Variants in VKORC1L1 observed in about 807,000 individuals in gnomAD.
VKORC1L1 encodes the protein vitamin K epoxide reductase complex subunit 1-like protein 1.
VKORC1L1 carries 2 observed loss-of-function variants against 18.9 expected under a neutral mutation model. The observed-to-expected ratio is 0.11, with a 90% CI of 0.04 to 0.33. VKORC1L1 has a LOEUF of 0.33. VKORC1L1 is among the 10% of genes least tolerant of loss of function. The pLI is 1.00. For synonymous variants in VKORC1L1, 96 were observed against 100.0 expected, an observed-to-expected ratio of 0.96 and a Z score of 0.24; for missense variants, 123 against 224.1, an observed-to-expected ratio of 0.55 and a Z score of 2.88.
chr7:65,942,674 C>T (rs1413663761), intron 1 of VKORC1L1, among the ~76,000 whole-genome samples: 8 of 151,850 alleles, frequency 5.3e-5, no homozygotes, highest in Non-Finnish European at 8.8e-5. Context: ...TACAGGCGCC[C>T]GCCAGCACAT....
At chr7:65,952,512 C>T (rs1457080701) in intron 2 of VKORC1L1, among the ~76,000 whole-genome samples, 10 of 151,942 alleles carry the variant, frequency 6.6e-5, no homozygotes, top group Non-Finnish European at 1.3e-4. Context: ...GGCCCACAGG[C>T]GTCTTCTTGT....
At chr7:65,903,115 C>G (rs1451825860) in intron 1 of VKORC1L1, among the ~76,000 whole-genome samples, 2 of 151,824 alleles carry the variant, frequency 1.3e-5, no homozygotes, top group African/African-American at 2.4e-5. Context: ...ATCTGCCCAC[C>G]TCGGCCTCCC....
intron 1 of VKORC1L1, among the ~76,000 whole-genome samples, chr7:65,897,729 G>T (rs1789239782): frequency 1.3e-5 from 2 of 149,688 alleles, no homozygotes; most frequent in Non-Finnish European, 1.5e-5. Context: ...GTGTTATGTG[G>T]AATTACACTG....
intron 1 of VKORC1L1, among the ~76,000 whole-genome samples, chr7:65,918,331 G>C (rs1172762592): frequency 6.6e-6 from 1 of 152,186 alleles, no homozygotes. Context: ...TCACATAAAG[G>C]ACACAGAGAT....
chr7:65,873,854 GGC>G (rs1788776805), intron 1 of VKORC1L1, among the ~76,000 whole-genome samples: 1 of 152,038 alleles, frequency 6.6e-6, no homozygotes, highest in East Asian at 1.9e-4. Context: ...GGAGCGGTCG[GGC>G]GGGCTGGGGC....
Position 65,888,080 on chromosome 7 carries a change from C to T in VKORC1L1, c.194+14515C>T, listed in dbSNP as rs181997661. Among the ~76,000 whole-genome samples the T allele has an allele frequency of 2.8e-3, 419 of 152,242 alleles. 1 individual carries two copies. Among genetic ancestry groups the T allele is most frequent in the Non-Finnish European group, 4.3e-3 (294 of 68,014 alleles). On this transcript the variant is annotated intron_variant, in intron 1 of 2. Transcript: ENST00000360768. Reference sequence around the variant, plus strand: ...ATTTTCTGAGAAGTAGGTAAACCCGCCCCTGTGTGTGTATGTGTCTGTGTG... The same window carrying T: ...ATTTTCTGAGAAGTAGGTAAACCCGTCCCTGTGTGTGTATGTGTCTGTGTG...
chr7:65,895,453 G>GAAA (rs1167891625), intron 1 of VKORC1L1, among the ~76,000 whole-genome samples: 20 of 26,664 alleles, frequency 7.5e-4, no homozygotes, highest in Non-Finnish European at 1.3e-3. Flanking sequence ...CCATCTGTGA[G>GAAA]AAAAAAAAAA....
intron 1 of VKORC1L1, among the ~76,000 whole-genome samples, chr7:65,902,294 A>G (rs1432314675): frequency 6.6e-6 from 1 of 152,238 alleles, no homozygotes; most frequent in Admixed American, 6.5e-5. Context: ...AATGGTTAAC[A>G]TAATGGAAAG....
At chr7:65,907,837 G>A (rs975532317) in intron 1 of VKORC1L1, among the ~76,000 whole-genome samples, 2 of 151,794 alleles carry the variant, frequency 1.3e-5, no homozygotes, top group Non-Finnish European at 2.9e-5. Context: ...TACTCAGCTG[G>A]TTAACCTAAG....
rs1314212720 is a variant in VKORC1L1, at chr7:65,876,972, A to C, written c.194+3407A>C. 2.6e-5 allele frequency among the ~76,000 whole-genome samples: 4 copies of C among 152,280 alleles called. No individual in the cohort carries two copies. The East Asian group carries it at 7.7e-4, about 29-fold the overall frequency. On this transcript the variant is annotated intron_variant, in intron 1 of 2. Coordinates refer to ENST00000360768, the MANE Select transcript of VKORC1L1 (RefSeq NM_173517.6). ...GAGGTGTGAGGATCACTTGAGCCTG[A>C]GAGGCTGAGGTCTGCAGTGAGCCAT...
At chr7:65,908,836 C>CAAAA (rs5884577) in intron 1 of VKORC1L1, among the ~76,000 whole-genome samples, 9 of 104,914 alleles carry the variant, frequency 8.6e-5, no homozygotes, top group Admixed American at 2.1e-4. Context: ...GACTCCATCT[C>CAAAA]AAAAAAAAAA....
At chr7:65,873,599 C>G (rs1788770112) in intron 1 of VKORC1L1, 34 bp downstream of exon 1, 4 of 1,433,918 alleles carry the variant, frequency 2.8e-6, no homozygotes, top group Non-Finnish European at 3.7e-6. Flanking sequence ...CAGGAGCGGC[C>G]GAGCGGGGCG....
chr7:65,899,045 T>C (rs983839620), intron 1 of VKORC1L1, among the ~76,000 whole-genome samples: 2 of 152,366 alleles, frequency 1.3e-5, no homozygotes, highest in African/African-American at 4.8e-5. Flanking sequence ...TAAAAAGACA[T>C]GACCTTATTC....
intron 1 of VKORC1L1, among the ~76,000 whole-genome samples, chr7:65,909,841 C>T (rs1789473968): frequency 6.6e-6 from 1 of 151,880 alleles, no homozygotes; most frequent in South Asian, 2.1e-4. Flanking sequence ...TCTCAACCTC[C>T]TGAGTAGCTG....
intron 1 of VKORC1L1, among the ~76,000 whole-genome samples, chr7:65,896,104 A>G (rs1040323973): frequency 6.9e-6 from 1 of 145,396 alleles, no homozygotes; most frequent in African/African-American, 2.6e-5. Flanking sequence ...GGGTTTCACC[A>G]TGTTGGCCAG....
intron 1 of VKORC1L1, among the ~76,000 whole-genome samples, chr7:65,889,627 C>T (rs1789077358): frequency 6.6e-6 from 1 of 152,196 alleles, no homozygotes; most frequent in Non-Finnish European, 1.5e-5. Flanking sequence ...ATTAAATAGA[C>T]CAATGCCAGC....
intron 1 of VKORC1L1, among the ~76,000 whole-genome samples, chr7:65,886,853 T>G (rs961270117): frequency 2.9e-5 from 4 of 139,488 alleles, no homozygotes; most frequent in East Asian, 2.1e-4. Context: ...TTTTTTTTTT[T>G]TTTTTTTTTT....
chr7:65,936,761 G>A (rs573661836), intron 1 of VKORC1L1, among the ~76,000 whole-genome samples: 3 of 152,244 alleles, frequency 2.0e-5, no homozygotes, highest in African/African-American at 7.2e-5. Flanking sequence ...TGGCTCCCAG[G>A]CACCCCTTTC....
At chr7:65,925,348 C>T (rs1789744457) in intron 1 of VKORC1L1, among the ~76,000 whole-genome samples, 5 of 152,294 alleles carry the variant, frequency 3.3e-5, no homozygotes, top group Non-Finnish European at 7.3e-5. Flanking sequence ...CTTCTTCAAT[C>T]TTCGGATCCA....
Sources: allele counts gnomAD v4.1 joint callset (sites outside exome capture counted in the v4.1 genomes callset), GRCh38; gene constraint gnomAD v4.1.1; transcripts MANE v1.5; gene names NCBI Gene and HGNC (gene_info 2026-07-23, HGNC 2026-07-21).